Variants in CD96 observed in about 807,000 individuals in gnomAD.
The protein encoded by CD96 is CD96 molecule, also known as T-cell surface protein tactile.
In CD96, 70 loss-of-function variants were observed where a neutral mutation model predicts 71.3. The ratio of observed to expected loss-of-function variants is 0.98; its 90% CI spans 0.81 to 1.20. The LOEUF is 1.20. Ranked by LOEUF, CD96 falls within the 50% of genes most tolerant of loss-of-function variation. CD96 has a pLI of 0.00. For missense variants in CD96, 742 were observed against 677.5 expected (o/e 1.10, Z -1.06); for synonymous variants, 248 against 233.0 (o/e 1.06, Z -0.59).
At chr3:111,665,069 A>G (rs112851075) in intron 14 of CD96, among the ~76,000 whole-genome samples, 4 of 152,198 alleles carry the variant, frequency 2.6e-5, no homozygotes, top group Admixed American at 6.5e-5. Context: ...ACATACATGC[A>G]TGTATAGATA....
At chr3:111,594,714 C>G (rs1937174279) in intron 5 of CD96, 1 of 167,860 alleles carries the variant, frequency 6.0e-6, no homozygotes, top group Middle Eastern at 3.1e-3. Context: ...TTTTCAGGAC[C>G]AACAGAGCTA....
intron 2 of CD96, among the ~76,000 whole-genome samples, chr3:111,563,193 C>A (rs897298917): frequency 6.6e-6 from 1 of 152,218 alleles, no homozygotes; most frequent in Non-Finnish European, 1.5e-5. Flanking sequence ...GACACAATGG[C>A]AACCAAATTT....
intron 14 of CD96, chr3:111,665,491 G>C (rs1056953223): frequency 6.6e-6 from 1 of 152,072 alleles, no homozygotes; most frequent in Non-Finnish European, 1.5e-5. Context: ...TAAGTTCGCT[G>C]TTTTTATATC....
intron 1 of CD96, among the ~76,000 whole-genome samples, chr3:111,544,499 A>G (rs767470319): frequency 6.6e-6 from 1 of 152,144 alleles, no homozygotes; most frequent in Non-Finnish European, 1.5e-5. Context: ...TTTCTTCCTC[A>G]TAAAAAGGGG....
At chr3:111,608,119 C>T (rs535346652) in intron 8 of CD96, among the ~76,000 whole-genome samples, 4 of 152,154 alleles carry the variant, frequency 2.6e-5, no homozygotes, top group Non-Finnish European at 4.4e-5. Context: ...GCTGAGGCTT[C>T]AGTCATCTGA....
rs758512838 is a variant in CD96, at chr3:111,638,132, A to T, written c.1441A>T (p.Asn481Tyr). 6.2e-7 allele frequency: 1 copy of T among 1,611,072 alleles called. No individual in the cohort carries two copies. Among genetic ancestry groups the T allele is most frequent in the Admixed American group, 1.7e-5 (1 of 60,018 alleles). Residue 481 changes from asparagine (N) to tyrosine (Y), a missense_variant, in exon 12 of 14, where the codon AAT becomes TAT. Transcript: ENST00000352690. ...RAFSEVPTTA[N>Y]GSTKTNHVHI... ...ATTTTCAGAAGTCCCCACAACTGCC[A>T]ATGGATCTACGAAAACTAATCACGT...
chr3:111,624,295 G>T (rs200437376), intron 9 of CD96, 38 bp from the exon 10 acceptor site: 3 of 1,415,346 alleles, frequency 2.1e-6, no homozygotes, highest in South Asian at 1.2e-5. Flanking sequence ...TACAGCTTTC[G>T]AAAAAAGCTG....
At chr3:111,577,625 T>G (rs1936278263) in intron 3 of CD96, 1 of 940,068 alleles carries the variant, frequency 1.1e-6, no homozygotes, top group Non-Finnish European at 1.8e-6. Flanking sequence ...ACTATCTGTA[T>G]GTAAGACTGA....
intron 7 of CD96, among the ~76,000 whole-genome samples, chr3:111,601,462 T>C (rs1203865803): frequency 1.3e-5 from 2 of 152,190 alleles, no homozygotes; most frequent in East Asian, 3.8e-4. Context: ...AAAATTGATA[T>C]ATAGGATTAC....
rs201504211 is a variant in CD96, at chr3:111,550,591, G to GA, written c.418+5198dup. 9.6e-3 allele frequency among the ~76,000 whole-genome samples: 1,438 copies of GA among 150,124 alleles called. 13 individuals are homozygous for GA. Among genetic ancestry groups the GA allele is most frequent in the Middle Eastern group, 0.027 (8 of 292 alleles). ...ACACAAGTAGGACTACCCCGATATT[G>GA]AAAAAAAAAGAACAGTTTTTTTTTA... is the stretch of plus-strand genomic sequence containing the variant. On this transcript the variant is annotated intron_variant, in intron 2 of 13. Transcript: ENST00000352690.
chr3:111,545,423 G>A, intron 2 of CD96, 21 bp downstream of exon 2: 1 of 1,415,268 alleles, frequency 7.1e-7, no homozygotes, highest in South Asian at 1.1e-5. Context: ...CTGGTAGAGG[G>A]ATGTGCTTTC....
chr3:111,592,041 G>A (rs899543170), intron 5 of CD96, among the ~76,000 whole-genome samples: 3 of 152,136 alleles, frequency 2.0e-5, no homozygotes, highest in Non-Finnish European at 4.4e-5. Context: ...ATGGGATGCT[G>A]TCTTTATCTA....
intron 10 of CD96, among the ~76,000 whole-genome samples, chr3:111,631,787 C>T (rs1377253540): frequency 9.2e-5 from 14 of 152,068 alleles, no homozygotes; most frequent in Admixed American, 2.6e-4. Flanking sequence ...CACACATAGA[C>T]GAATAGAACA....
At chr3:111,555,693 T>A (rs1319506903) in intron 2 of CD96, among the ~76,000 whole-genome samples, 1 of 152,300 alleles carries the variant, frequency 6.6e-6, no homozygotes, top group Non-Finnish European at 1.5e-5. Flanking sequence ...TTGATTATGA[T>A]GTGTCTTTTG....
intron 8 of CD96, among the ~76,000 whole-genome samples, chr3:111,618,328 AT>A (rs1938348484): frequency 6.6e-6 from 1 of 152,166 alleles, no homozygotes; most frequent in Admixed American, 6.5e-5. Context: ...TCCCGTGACA[AT>A]TTCACCTCTG....
intron 8 of CD96, among the ~76,000 whole-genome samples, chr3:111,613,878 A>G (rs2107683909): frequency 6.6e-6 from 1 of 152,354 alleles, no homozygotes; most frequent in African/African-American, 2.4e-5. Flanking sequence ...GAAACTTACA[A>G]ATAACTTTTA....
intron 5 of CD96, among the ~76,000 whole-genome samples, chr3:111,591,299 G>A (rs898988254): frequency 3.3e-5 from 5 of 149,704 alleles, no homozygotes; most frequent in Non-Finnish European, 7.4e-5. Context: ...CTTGAACCCA[G>A]GAGGCGGAGG....
intron 10 of CD96, 51 bp downstream of exon 10, chr3:111,624,455 C>CCGACAGATATATTGAA: frequency 1.0e-6 from 1 of 993,410 alleles, no homozygotes; most frequent in Non-Finnish European, 1.6e-6. Context: ...AGTCATTCAT[C>CCGACAGATATATTGAA]CGACAGATAT....
chr3:111,553,254 A>G (rs114652251), intron 2 of CD96, among the ~76,000 whole-genome samples: 2,169 of 151,896 alleles, frequency 0.014, 52 homozygotes, highest in African/African-American at 0.049. Context: ...AAGCTATATT[A>G]CATTTGTTAT....
Sources: allele counts gnomAD v4.1 joint callset (sites outside exome capture counted in the v4.1 genomes callset), GRCh38; gene constraint gnomAD v4.1.1; transcripts MANE v1.5; gene names NCBI Gene and HGNC (gene_info 2026-07-23, HGNC 2026-07-21).